KCTD16: variants seen among roughly 807,000 people sequenced by gnomAD.
KCTD16 encodes BTB/POZ domain-containing protein KCTD16.
In KCTD16, 13 loss-of-function variants were observed where a neutral mutation model predicts 33.2. The ratio of observed to expected loss-of-function variants is 0.39; its 90% confidence interval spans 0.25 to 0.62. KCTD16 has a LOEUF of 0.62. KCTD16 is among the 20% of genes least tolerant of loss of function. The probability of loss-of-function intolerance (pLI) is 0.50; values close to 1 mark genes in which losing one functional copy is unlikely to be tolerated. For missense variants in KCTD16, 441 were observed against 525.1 expected, an observed-to-expected ratio of 0.84 and a Z score of 1.57; for synonymous variants, 197 against 195.3, an observed-to-expected ratio of 1.01 and a Z score of -0.07.
At chr5:144,321,115 A>G (rs1752062333) in intron 3 of KCTD16, among the ~76,000 whole-genome samples, 1 of 152,120 alleles carries the variant, frequency 6.6e-6, no homozygotes. Flanking sequence ...TCGGCCTCCC[A>G]AGGTGTTGGG....
At chr5:144,400,466 C>T (rs1439883145) in intron 3 of KCTD16, among the ~76,000 whole-genome samples, 1 of 152,174 alleles carries the variant, frequency 6.6e-6, no homozygotes, top group East Asian at 1.9e-4. Flanking sequence ...TCATGCAACA[C>T]ATCAACATTT....
At chr5:144,298,335 T>C (rs1188424050) in intron 3 of KCTD16, among the ~76,000 whole-genome samples, 3 of 152,144 alleles carry the variant, frequency 2.0e-5, no homozygotes, top group East Asian at 1.9e-4. Flanking sequence ...ATACTTCTTT[T>C]TGGATCACAT....
At chr5:144,414,844 C>T (rs958535176) in intron 3 of KCTD16, among the ~76,000 whole-genome samples, 6 of 152,118 alleles carry the variant, frequency 3.9e-5, no homozygotes, top group Non-Finnish European at 8.8e-5. Flanking sequence ...GCCTTGTATT[C>T]GTGTGTCTGC....
At chr5:144,277,354 G>A (rs1240631507) in intron 3 of KCTD16, among the ~76,000 whole-genome samples, 1 of 152,150 alleles carries the variant, frequency 6.6e-6, no homozygotes, top group Admixed American at 6.5e-5. Flanking sequence ...CACAATCTTG[G>A]CTGAAGAAAA....
intron 3 of KCTD16, among the ~76,000 whole-genome samples, chr5:144,269,155 G>A (rs1195074565): frequency 6.6e-6 from 1 of 151,866 alleles, no homozygotes; most frequent in African/African-American, 2.4e-5. Context: ...GAGAAGAGAT[G>A]GGAAAAGGGG....
At chr5:144,372,536 T>C (rs17441789) in intron 3 of KCTD16, among the ~76,000 whole-genome samples, 11,799 of 152,206 alleles carry the variant, frequency 0.078, 615 homozygotes, top group Non-Finnish European at 0.11. Flanking sequence ...AGCTATACCA[T>C]GATATGTTAC....
At chr5:144,299,092 CTATGTATATATATATA>C (rs1756139721) in intron 3 of KCTD16, among the ~76,000 whole-genome samples, 1 of 13,328 alleles carries the variant, frequency 7.5e-5, no homozygotes, top group Non-Finnish European at 1.2e-4. Flanking sequence ...ATATATATCA[CTATGTATATATATATA>C]TATATATATA....
chr5:144,278,923 AT>A (rs1755526979), intron 3 of KCTD16, among the ~76,000 whole-genome samples: 1 of 152,230 alleles, frequency 6.6e-6, no homozygotes, highest in Non-Finnish European at 1.5e-5. Context: ...GAAAATTAAA[AT>A]TTTAAAATAT....
intron 3 of KCTD16, among the ~76,000 whole-genome samples, chr5:144,302,274 G>A (rs1171189959): frequency 1.3e-5 from 2 of 152,160 alleles, no homozygotes; most frequent in Non-Finnish European, 2.9e-5. Context: ...AGTACTCTGG[G>A]CAGGTGTCAG....
At chr5:144,303,675 A>C (rs1034803599) in intron 3 of KCTD16, among the ~76,000 whole-genome samples, 5 of 152,304 alleles carry the variant, frequency 3.3e-5, no homozygotes, top group African/African-American at 1.2e-4. Flanking sequence ...GGAAACAACA[A>C]ATATGATAAT....
At chr5:144,380,741 T>C (rs1752195779) in intron 3 of KCTD16, among the ~76,000 whole-genome samples, 1 of 152,178 alleles carries the variant, frequency 6.6e-6, no homozygotes, top group East Asian at 1.9e-4. Context: ...CAATAAATGA[T>C]GCTGGGATAA....
chr5:144,216,436 A>C (rs1190404092), intron 3 of KCTD16, among the ~76,000 whole-genome samples: 4 of 152,220 alleles, frequency 2.6e-5, no homozygotes, highest in Non-Finnish European at 4.4e-5. Context: ...TAATTTCCTC[A>C]GTCAAATTTA....
intron 3 of KCTD16, among the ~76,000 whole-genome samples, chr5:144,427,024 C>A (rs933848412): frequency 6.6e-6 from 1 of 152,192 alleles, no homozygotes; most frequent in Admixed American, 6.5e-5. Flanking sequence ...TTAGGTCTTT[C>A]GTATTCTCTG....
chr5:144,456,755 TC>T (rs1475139180), intron 3 of KCTD16, among the ~76,000 whole-genome samples: 41 of 150,354 alleles, frequency 2.7e-4, no homozygotes, highest in African/African-American at 1.0e-3. Context: ...ACCACAGAAC[TC>T]TTTTTTTTTT....
intron 3 of KCTD16, among the ~76,000 whole-genome samples, chr5:144,346,867 C>T (rs933685533): frequency 3.9e-5 from 6 of 152,038 alleles, no homozygotes; most frequent in African/African-American, 1.4e-4. Context: ...TTGATGTGAC[C>T]CCATTTGTCC....
chr5:144,463,113 A>C (rs1449433695), intron 3 of KCTD16, among the ~76,000 whole-genome samples: 1 of 152,164 alleles, frequency 6.6e-6, no homozygotes, highest in Non-Finnish European at 1.5e-5. Flanking sequence ...CAAGAGGAGG[A>C]GACTTTTATA....
intron 3 of KCTD16, among the ~76,000 whole-genome samples, chr5:144,325,884 G>A (rs1351972734): frequency 1.3e-5 from 2 of 152,082 alleles, no homozygotes. Flanking sequence ...TACAGAGTAG[G>A]CATTTAATAA....
chr5:144,428,863 A>G (rs1035570788), intron 3 of KCTD16, among the ~76,000 whole-genome samples: 2 of 152,174 alleles, frequency 1.3e-5, no homozygotes, highest in African/African-American at 4.8e-5. Flanking sequence ...CTGTTCCTTA[A>G]TAATTGTTTT....
In KCTD16 at chr5:144,478,215, G is replaced by A. The variant is rs1307150253; in HGVS notation, c.*4101G>A. 6.6e-6 allele frequency: 1 copy of A among 152,004 alleles called. No homozygotes were observed. The highest frequency in any genetic ancestry group is 2.4e-5 in the African/African-American group (1 of 41,426). 9.4% of individuals were successfully genotyped at this position (152,004 alleles called of 1,614,324 possible). A position where few individuals can be genotyped will look rare whatever the true frequency, so the allele number is the denominator to read the frequency against. On this transcript the variant is annotated 3_prime_UTR_variant, in exon 4 of 4. Transcript: ENST00000512467. ...GTTACAATGGAGTTACATGTCATTT[G>A]TATAGAACTGTATAATGATTAATAT...
Sources: allele counts gnomAD v4.1 joint callset (sites outside exome capture counted in the v4.1 genomes callset), GRCh38; gene constraint gnomAD v4.1.1; transcripts MANE v1.5; gene names NCBI Gene and HGNC (gene_info 2026-07-23, HGNC 2026-07-21).